HEPACAM2: variants seen among roughly 807,000 people sequenced by gnomAD.
The protein encoded by HEPACAM2 is mitotic kinetics regulator.
A neutral mutation model predicts 49.6 loss-of-function variants in HEPACAM2; 49 were observed. The observed-to-expected ratio is 0.99, with a 90% CI of 0.78 to 1.25. HEPACAM2 has a LOEUF of 1.25. Among genes scored for constraint, HEPACAM2 ranks in the 50% most tolerant of loss-of-function variants. HEPACAM2 has a pLI of 0.00. For synonymous variants in HEPACAM2, 197 were observed against 202.9 expected (o/e 0.97, Z 0.25); for missense variants, 525 against 557.2 (o/e 0.94, Z 0.58).
intron 8 of HEPACAM2, among the ~76,000 whole-genome samples, chr7:93,195,419 TC>T (rs879392698): frequency 5.9e-5 from 9 of 151,702 alleles, no homozygotes; most frequent in Non-Finnish European, 1.2e-4. Context: ...TGGGATGGGG[TC>T]TTTGCCCAGG....
intron 4 of HEPACAM2, among the ~76,000 whole-genome samples, chr7:93,206,738 T>A (rs1278272084): frequency 6.6e-6 from 1 of 152,110 alleles, no homozygotes; most frequent in African/African-American, 2.4e-5. Context: ...GCTATCATAA[T>A]GAACAGTGCA....
intron 3 of HEPACAM2, among the ~76,000 whole-genome samples, chr7:93,212,168 G>A (rs1794192787): frequency 6.6e-6 from 1 of 151,920 alleles, no homozygotes; most frequent in Admixed American, 6.6e-5. Flanking sequence ...AGTAAATAAG[G>A]TCAATTACCT....
intron 4 of HEPACAM2, among the ~76,000 whole-genome samples, chr7:93,202,803 C>T (rs1793929291): frequency 6.6e-6 from 1 of 152,148 alleles, no homozygotes; most frequent in Non-Finnish European, 1.5e-5. Context: ...CCGGCATCAG[C>T]TCTCTGCCAG....
chr7:93,226,615 TGC>T (rs1794546794), upstream of HEPACAM2: 3 of 508,096 alleles, frequency 5.9e-6, no homozygotes, highest in East Asian at 9.0e-5. Flanking sequence ...ACCTGTTATG[TGC>T]TTAGCAAGAA....
At chr7:93,220,900 T>C (rs1203455564) in intron 1 of HEPACAM2, among the ~76,000 whole-genome samples, 2 of 152,160 alleles carry the variant, frequency 1.3e-5, no homozygotes, top group Non-Finnish European at 2.9e-5. Flanking sequence ...AAAATCCTCA[T>C]ATTAAAAGGG....
At chr7:93,202,033 A>AAAAAAAAAAAAAAAAAAAAAAAC (rs1562824501) in intron 4 of HEPACAM2, among the ~76,000 whole-genome samples, 1 of 14,624 alleles carries the variant, frequency 6.8e-5, no homozygotes, top group African/African-American at 3.1e-4. Context: ...AAAAAAAACC[A>AAAAAAAAAAAAAAAAAAAAAAAC]AAAAAAAAAA....
rs1178484558 is a variant in HEPACAM2 at position 93,226,380 on chromosome 7, G to A, written c.67C>T (p.Leu23Phe). The A allele has an allele frequency of 5.6e-6, 9 of 1,611,930 alleles. No individual in the cohort carries two copies. In the African/African-American group the frequency reaches 1.2e-4, roughly 22 times the overall value. Residue 23 changes from leucine to phenylalanine, a missense_variant, in exon 1 of 10, where the codon CTC becomes TTC. By Grantham distance (22) the Leu-to-Phe change is conservative. Transcript: ENST00000394468. Reference sequence around the variant, plus strand: ...CACAGGGCCTTACCGAAGAGAAGGAGGTATATTTTGCACTGAAAGACCCCA... The same window carrying A: ...CACAGGGCCTTACCGAAGAGAAGGAAGTATATTTTGCACTGAAAGACCCCA... Reference protein sequence around the residue: ...TLGVFQCKIYLLLFGACSGLK... With the variant: ...TLGVFQCKIYFLLFGACSGLK...
At chr7:93,219,708 G>C in intron 1 of HEPACAM2, 1 of 527,122 alleles carries the variant, frequency 1.9e-6, no homozygotes, top group Non-Finnish European at 3.2e-6. Flanking sequence ...TTCTACGATT[G>C]CTACGGAATA....
chr7:93,199,714 A>C (rs1443645878), intron 4 of HEPACAM2, among the ~76,000 whole-genome samples: 1 of 152,084 alleles, frequency 6.6e-6, no homozygotes, highest in Non-Finnish European at 1.5e-5. Context: ...GTCTTCAAAA[A>C]ATTGCACATA....
At chr7:93,231,386 T>C (rs1457992569), upstream of HEPACAM2, among the ~76,000 whole-genome samples, 1 of 152,310 alleles carries the variant, frequency 6.6e-6, no homozygotes, top group Admixed American at 6.5e-5. Flanking sequence ...AATCCTTCAG[T>C]TTCTACTTGC....
upstream of HEPACAM2, chr7:93,226,495 T>C (rs749821008): frequency 8.4e-6 from 12 of 1,424,882 alleles, no homozygotes. Context: ...CAGCTGCTGG[T>C]TTATTTGCTA....
rs148161390 is a variant in HEPACAM2 at position 93,216,327 on chromosome 7, C to T, written c.431-642G>A. ...ACCTACATTTATTTCAACACTGACTCAGTCTGAAAATAGGATAAAATATAT... is the reference window on the plus strand; with the variant it reads ...ACCTACATTTATTTCAACACTGACTTAGTCTGAAAATAGGATAAAATATAT... On this transcript the variant is annotated intron_variant, in intron 2 of 9. Coordinates refer to ENST00000394468, the MANE Select transcript of HEPACAM2 (RefSeq NM_001039372.4). Among the ~76,000 whole-genome samples, 449 of 152,190 alleles carry T rather than the reference C, an allele frequency of 3.0e-3. 3 individuals are homozygous for T. The highest frequency in any genetic ancestry group is 0.02 in the East Asian group (105 of 5,182).
intron 1 of HEPACAM2, among the ~76,000 whole-genome samples, chr7:93,219,845 A>C (rs535594785): frequency 6.6e-6 from 1 of 152,366 alleles, no homozygotes; most frequent in Admixed American, 6.5e-5. Context: ...GATTTGAGAA[A>C]TACTAGAGGT....
At chr7:93,202,119 A>G (rs1203443775) in intron 4 of HEPACAM2, among the ~76,000 whole-genome samples, 1 of 150,268 alleles carries the variant, frequency 6.7e-6, no homozygotes, top group African/African-American at 2.4e-5. Flanking sequence ...AATACCAAAT[A>G]ATAGAGTGGC....
intron 4 of HEPACAM2, among the ~76,000 whole-genome samples, chr7:93,201,732 TAAATC>T (rs1375672920): frequency 5.3e-5 from 8 of 152,122 alleles, no homozygotes; most frequent in Non-Finnish European, 1.2e-4. Context: ...CAATGACAAA[TAAATC>T]AAATCCTCTC....
rs181615253 is a variant in HEPACAM2, at chr7:93,223,693, C to T, written c.79+2675G>A. Among the ~76,000 whole-genome samples the T allele has an allele frequency of 7.2e-5, 11 of 152,208 alleles. No individual in the cohort carries two copies. In the East Asian group the frequency reaches 2.1e-3, roughly 29 times the overall value. On this transcript the variant is annotated intron_variant, in intron 1 of 9. Coordinates refer to ENST00000394468, the MANE Select transcript of HEPACAM2 (RefSeq NM_001039372.4). ...ACAGTGAGAAATAGCACAGCTGTTA[C>T]AGTAACTATTTGCTTAGAGATTGCC...
chr7:93,197,333 C>T (rs201407145), intron 6 of HEPACAM2, 40 bp downstream of exon 6: 41 of 1,604,332 alleles, frequency 2.6e-5, no homozygotes, highest in Admixed American at 1.7e-4. Flanking sequence ...GAATAAGCAT[C>T]TAAGGAAAAC....
intron 4 of HEPACAM2, 98 bp from the exon 5 acceptor site, chr7:93,197,708 A>T (rs1793770602): frequency 6.0e-6 from 5 of 837,484 alleles, no homozygotes; most frequent in Non-Finnish European, 9.1e-6. Context: ...TATTGAAAAA[A>T]ATATATAAAC....
intron 1 of HEPACAM2, chr7:93,226,076 A>C (rs1420515461): frequency 7.4e-6 from 4 of 539,166 alleles, no homozygotes; most frequent in Admixed American, 3.4e-5. Flanking sequence ...ACCTATATGT[A>C]AACTCTAAAA....
Sources: gnomAD v4.1 joint callset for allele counts (sites outside exome capture counted in the v4.1 genomes callset) on GRCh38, gnomAD v4.1.1 for gene constraint, MANE v1.5 for transcripts, NCBI Gene and HGNC (gene_info 2026-07-23, HGNC 2026-07-21) for gene names.